The following HAL variants were observed in gnomAD, a reference collection of about 807,000 sequenced individuals.
HAL encodes the protein histidine ammonia-lyase.
Under a neutral mutation model 81.1 loss-of-function variants are expected in HAL, and 85 were observed. That is an observed-to-expected ratio of 1.05 (90% CI 0.88 to 1.25). The LOEUF (loss-of-function observed/expected upper bound fraction) is 1.25, where lower values mean the gene tolerates loss of function less well. HAL is among the 50% of genes most tolerant of loss of function. The pLI is 0.00. For missense variants in HAL, 798 were observed against 836.6 expected (o/e 0.95, Z 0.57); for synonymous variants, 301 against 309.2 (o/e 0.97, Z 0.28).
intron 17 of HAL, among the ~76,000 whole-genome samples, chr12:95,978,836 T>C (rs1274485923): frequency 3.3e-5 from 5 of 152,218 alleles, no homozygotes; most frequent in East Asian, 1.9e-4. Context: ...TCTTCTCCTC[T>C]TTCTCTGGCT....
At chr12:95,981,675 G>A (rs1316517355) in intron 15 of HAL, among the ~76,000 whole-genome samples, 1 of 152,172 alleles carries the variant, frequency 6.6e-6, no homozygotes, top group Non-Finnish European at 1.5e-5. Context: ...GGCCAGGCTG[G>A]TCTTGGACTC....
At chr12:95,976,318 A>T (rs974998004) in intron 20 of HAL, 111 bp downstream of exon 20, 3 of 896,838 alleles carry the variant, frequency 3.3e-6, no homozygotes, top group African/African-American at 3.3e-5. Flanking sequence ...CTTTTTGCTC[A>T]TTCCCAAGGA....
chr12:95,983,624 CAT>C (rs1949839023), intron 15 of HAL: 1 of 462,310 alleles, frequency 2.2e-6, no homozygotes, highest in Non-Finnish European at 3.9e-6. Flanking sequence ...CTTCAGGAAA[CAT>C]GTCAGCCAAT....
rs1272515769 is a variant in HAL at position 95,993,733 on chromosome 12, G to A, written c.551+39C>T. 4.7e-6 allele frequency: 5 copies of A among 1,064,088 alleles called. No homozygotes were observed. In the Admixed American group the frequency reaches 8.4e-5, roughly 18 times the overall value. The allele number at this position is 1,064,088 out of a possible 1,614,324, so 65.9% of individuals were successfully genotyped here. A position where few individuals can be genotyped will look rare whatever the true frequency, so the allele number is the denominator to read the frequency against. On this transcript the variant is annotated intron_variant, in intron 7 of 20. Transcript: ENST00000261208. ...TGTTGAAAAATATTTAAAAGATGAGGGTAGGTGGAACGTGAACATATGTGT... is the reference window on the plus strand; with the variant it reads ...TGTTGAAAAATATTTAAAAGATGAGAGTAGGTGGAACGTGAACATATGTGT...
At chr12:95,987,557 A>C (rs1482473367) in intron 11 of HAL, among the ~76,000 whole-genome samples, 1 of 152,150 alleles carries the variant, frequency 6.6e-6, no homozygotes, top group Non-Finnish European at 1.5e-5. Flanking sequence ...TATAGATGAG[A>C]CATCCAAAAA....
chr12:95,981,913 C>T (rs1447742170), intron 15 of HAL, among the ~76,000 whole-genome samples: 2 of 152,202 alleles, frequency 1.3e-5, no homozygotes, highest in African/African-American at 4.8e-5. Flanking sequence ...TTGCTGTGTG[C>T]AAGAAAGTTT....
Position 95,973,864 on chromosome 12 carries a change from G to T in HAL, c.*368C>A. 5.7e-6 allele frequency: 1 copy of T among 176,582 alleles called. No homozygotes were observed. Among genetic ancestry groups the T allele is most frequent in the East Asian group, 1.5e-4 (1 of 6,666 alleles). 10.9% of individuals were successfully genotyped at this position (176,582 alleles called of 1,614,324 possible). A position where few individuals can be genotyped will look rare whatever the true frequency, so the allele number is the denominator to read the frequency against. ...GGTTAACAAAAGTCTAATGTTTTTA[G>T]AAAAAATTGCTATCAATCTGTTTCC... On this transcript the variant is annotated 3_prime_UTR_variant, in exon 21 of 21. Transcript: ENST00000261208.
rs73375126 is a variant in HAL, at chr12:95,976,288, G to A, written c.1833+141C>T. Reference sequence around the variant, plus strand: ...TATTATATGGCTTCTTAGTGGTGCTGCAAGTTGTTGCTCAAATACCTTTTT... The same window carrying A: ...TATTATATGGCTTCTTAGTGGTGCTACAAGTTGTTGCTCAAATACCTTTTT... On this transcript the variant is annotated intron_variant, in intron 20 of 20. Transcript: ENST00000261208. The A allele has an allele frequency of 3.5e-3, 2,645 of 762,666 alleles. 51 individuals are homozygous for A. The African/African-American group carries it at 0.041, about 12-fold the overall frequency. 47.2% of individuals were successfully genotyped at this position (762,666 alleles called of 1,614,324 possible).
At chr12:95,982,546 A>C (rs1489510907) in intron 15 of HAL, among the ~76,000 whole-genome samples, 1 of 152,242 alleles carries the variant, frequency 6.6e-6, no homozygotes, top group African/African-American at 2.4e-5. Context: ...AAAAACTACT[A>C]TTCCATCTGG....
intron 18 of HAL, among the ~76,000 whole-genome samples, 186 bp from the exon 19 acceptor site, chr12:95,976,892 A>G (rs7310419): frequency 0.12 from 18,669 of 152,174 alleles, 1,857 homozygotes; most frequent in African/African-American, 0.28. Context: ...CCCCTTGACT[A>G]TATCTTTAAT....
In HAL at chr12:95,973,693, A is replaced by G. The variant is rs2080681232; in HGVS notation, c.*539T>C. The G allele has an allele frequency of 6.4e-6, 1 of 157,180 alleles. No individual in the cohort carries two copies. The highest frequency in any genetic ancestry group is 1.4e-5 in the Non-Finnish European group (1 of 71,044). The allele number at this position is 157,180 out of a possible 1,614,324, so 9.7% of individuals were successfully genotyped here. ...TACTCTTTACTATGATCCAATTAAT[A>G]GAAGAAAAAAGCAGCTTAAGGACAA... On this transcript the variant is annotated 3_prime_UTR_variant, in exon 21 of 21. Transcript: ENST00000261208.
chr12:95,973,326 A>T lies in HAL; in HGVS notation c.*906T>A, dbSNP rs995130746. Reference sequence around the variant, plus strand: ...CTCGGGGAAAAAAATAGATGCAGTAATACACTCTAGGGCTCCATCTGACCT... The same window carrying T: ...CTCGGGGAAAAAAATAGATGCAGTATTACACTCTAGGGCTCCATCTGACCT... On this transcript the variant is annotated 3_prime_UTR_variant, in exon 21 of 21. Coordinates refer to ENST00000261208, the MANE Select transcript of HAL (RefSeq NM_002108.4). The T allele has an allele frequency of 6.6e-6, 1 of 152,220 alleles. No individual in the cohort carries two copies. The highest frequency in any genetic ancestry group is 2.4e-5 in the African/African-American group (1 of 41,456). The allele number at this position is 152,220 out of a possible 1,614,324, so 9.4% of individuals were successfully genotyped here.
Position 95,990,377 on chromosome 12 carries a change from C to T in HAL, c.855+16G>A, listed in dbSNP as rs762554167. On this transcript the variant is annotated intron_variant, in intron 10 of 20. Transcript: ENST00000261208. ...CTGGGGCAATTGCTGCAGATAGAAG[C>T]TGCTACGAGTCTTACGTATTTAGCA... The T allele has an allele frequency of 5.0e-6, 8 of 1,609,042 alleles. No individual in the cohort carries two copies. Among genetic ancestry groups the T allele is most frequent in the Non-Finnish European group, 6.8e-6 (8 of 1,175,462 alleles).
chr12:95,980,569 C>T lies in HAL; in HGVS notation c.1506G>A (p.Thr502=), dbSNP rs772676554. The part of the protein sequence containing the change: ...LNSGFMIAHC[T]AAALVSENKA... ...CAGTGTCCTTACCAAGGGCTGCTGC[C>T]GTGCAGTGAGCTATCATGAACCCAG... Residue 502 remains threonine, a synonymous_variant, in exon 17 of 21, where the codon ACG becomes ACA. Transcript: ENST00000261208. The T allele has an allele frequency of 9.9e-6, 16 of 1,613,388 alleles. No individual in the cohort carries two copies. In the South Asian group the frequency reaches 1.4e-4, roughly 14 times the overall value.
Position 95,972,946 on chromosome 12 carries a change from G to T in HAL, c.*1286C>A, listed in dbSNP as rs947294119. ...GAATAGCACCAAGAACAACCTTTAGGTAAACAGTCTCCTCAGCACATTTTT... is the reference window on the plus strand; with the variant it reads ...GAATAGCACCAAGAACAACCTTTAGTTAAACAGTCTCCTCAGCACATTTTT... On this transcript the variant is annotated 3_prime_UTR_variant, in exon 21 of 21. Coordinates refer to ENST00000261208, the MANE Select transcript of HAL (RefSeq NM_002108.4). 6.6e-6 allele frequency: 1 copy of T among 152,128 alleles called. No individual in the cohort carries two copies. The highest frequency in any genetic ancestry group is 1.5e-5 in the Non-Finnish European group (1 of 68,030). 9.4% of individuals were successfully genotyped at this position (152,128 alleles called of 1,614,324 possible).
intron 12 of HAL, 138 bp from the exon 13 acceptor site, chr12:95,986,298 GC>G (rs1485838314): frequency 2.9e-6 from 2 of 684,990 alleles, no homozygotes; most frequent in Non-Finnish European, 5.3e-6. Context: ...CTCCCAAAGT[GC>G]TGGGATTACA....
At chr12:95,990,603 G>GC (rs1949957125) in intron 9 of HAL, 71 bp from the exon 10 acceptor site, 1 of 1,198,032 alleles carries the variant, frequency 8.3e-7, no homozygotes, top group Non-Finnish European at 1.2e-6. Context: ...GCCAGTGAGT[G>GC]CCCCCACTGC....
intron 8 of HAL, among the ~76,000 whole-genome samples, chr12:95,993,108 T>C (rs1949992065): frequency 6.6e-6 from 1 of 152,196 alleles, no homozygotes; most frequent in Non-Finnish European, 1.5e-5. Context: ...ACAACTTCTT[T>C]ACCATCTGAT....
chr12:95,974,213 T>C lies in HAL; in HGVS notation c.*19A>G. 6.2e-7 allele frequency: 1 copy of C among 1,611,814 alleles called. No individual in the cohort carries two copies. The highest frequency in any genetic ancestry group is 8.5e-7 in the Non-Finnish European group (1 of 1,177,842). On this transcript the variant is annotated 3_prime_UTR_variant, in exon 21 of 21. Transcript: ENST00000261208. ...CTAAACTGACTGCCCTCTCATCTGC[T>C]ACTTCATGACAAAGCCCATTAAAGG...
Sources: allele counts gnomAD v4.1 joint callset (sites outside exome capture counted in the v4.1 genomes callset), GRCh38; gene constraint gnomAD v4.1.1; transcripts MANE v1.5; gene names NCBI Gene and HGNC (gene_info 2026-07-23, HGNC 2026-07-21).